The following CDC73 variants were observed in gnomAD, a reference collection of about 807,000 sequenced individuals.
CDC73 encodes the protein parafibromin.
In CDC73, 21 loss-of-function variants were observed where a neutral mutation model predicts 83.7. The ratio of observed to expected loss-of-function variants is 0.25; its 90% CI spans 0.18 to 0.36. The LOEUF (loss-of-function observed/expected upper bound fraction) is 0.36, where lower values mean the gene tolerates loss of function less well. Among genes scored for constraint, CDC73 ranks in the 10% least tolerant of loss-of-function variants. The probability of loss-of-function intolerance (pLI) is 1.00; values close to 1 mark genes in which losing one functional copy is unlikely to be tolerated. For missense variants in CDC73, 342 were observed against 653.3 expected (o/e 0.52, Z 5.19); for synonymous variants, 224 against 212.9 (o/e 1.05, Z -0.45).
At chr1:193,192,398 G>A (rs538172395) in intron 10 of CDC73, among the ~76,000 whole-genome samples, 172 of 152,232 alleles carry the variant, frequency 1.1e-3, no homozygotes, top group Middle Eastern at 6.8e-3. Flanking sequence ...AGCCGAGATC[G>A]CGCCACTGCA....
chr1:193,227,234 T>C (rs1677581612), intron 13 of CDC73, among the ~76,000 whole-genome samples: 1 of 152,178 alleles, frequency 6.6e-6, no homozygotes, highest in South Asian at 2.1e-4. Flanking sequence ...TTTTTTATTT[T>C]TGTTTCAATT....
At chr1:193,123,753 C>A (rs1400190604) in intron 1 of CDC73, among the ~76,000 whole-genome samples, 3 of 151,704 alleles carry the variant, frequency 2.0e-5, no homozygotes, top group Non-Finnish European at 4.4e-5. Flanking sequence ...TCCTAAGACT[C>A]TGGTTTCTAC....
At chr1:193,239,684 A>G (rs1176017652) in intron 15 of CDC73, among the ~76,000 whole-genome samples, 1 of 152,164 alleles carries the variant, frequency 6.6e-6, no homozygotes, top group Non-Finnish European at 1.5e-5. Flanking sequence ...AGAATGTGTA[A>G]TGATCAAGTC....
intron 5 of CDC73, among the ~76,000 whole-genome samples, chr1:193,137,572 G>A (rs141045038): frequency 4.3e-4 from 66 of 152,234 alleles, no homozygotes; most frequent in African/African-American, 1.3e-3. Flanking sequence ...TCTTGAAGTG[G>A]CCCATGAGGC....
intron 7 of CDC73, among the ~76,000 whole-genome samples, chr1:193,143,050 T>C (rs1234548736): frequency 6.6e-6 from 1 of 152,198 alleles, no homozygotes; most frequent in African/African-American, 2.4e-5. Context: ...TTTAGGCAAA[T>C]TGGTTTTGAT....
chr1:193,151,090 C>G (rs1284358682), intron 9 of CDC73, among the ~76,000 whole-genome samples: 2 of 152,170 alleles, frequency 1.3e-5, no homozygotes, highest in Non-Finnish European at 2.9e-5. Context: ...GCAATAACAC[C>G]ATTTCTGCAG....
chr1:193,250,728 C>A lies in CDC73; in HGVS notation c.*16C>A. Reference sequence around the variant, plus strand: ...GAGATTCTGAATTATTTGGCTCCTCCATTTCTGGAAATTGAGACTCAAGCT... The same window carrying A: ...GAGATTCTGAATTATTTGGCTCCTCAATTTCTGGAAATTGAGACTCAAGCT... On this transcript the variant is annotated 3_prime_UTR_variant, in exon 17 of 17. Transcript: ENST00000367435. 1 of 1,601,044 alleles carries A rather than the reference C, an allele frequency of 6.2e-7. No homozygotes were observed. Among genetic ancestry groups the A allele is most frequent in the Non-Finnish European group, 8.6e-7 (1 of 1,168,918 alleles).
In CDC73 at chr1:193,180,981, A is replaced by G. The variant is rs372672958; in HGVS notation, c.973-22814A>G. On this transcript the variant is annotated intron_variant, in intron 10 of 16. Transcript: ENST00000367435. ...GTTGAAGGTAGCCATTTAGCTTAATACTTAAGCCCAACAAAAATATTCTTG... is the reference window on the plus strand; with the variant it reads ...GTTGAAGGTAGCCATTTAGCTTAATGCTTAAGCCCAACAAAAATATTCTTG... The G allele has an allele frequency of 6.6e-5, 107 of 1,613,358 alleles. 1 individual carries two copies. Among genetic ancestry groups the G allele is most frequent in the South Asian group, 8.8e-5 (8 of 91,080 alleles).
intron 10 of CDC73, among the ~76,000 whole-genome samples, chr1:193,191,128 A>G (rs1430963614): frequency 6.6e-6 from 1 of 152,216 alleles, no homozygotes; most frequent in Non-Finnish European, 1.5e-5. Context: ...CGTGCACTGA[A>G]TTATCTAGAA....
At chr1:193,242,017 G>C (rs1042653710) in intron 15 of CDC73, among the ~76,000 whole-genome samples, 5 of 151,926 alleles carry the variant, frequency 3.3e-5, no homozygotes, top group Non-Finnish European at 7.4e-5. Flanking sequence ...TCTGTCCTCA[G>C]GGTGCTTTTA....
At chr1:193,208,289 G>C (rs1359286976) in intron 11 of CDC73, among the ~76,000 whole-genome samples, 1 of 152,102 alleles carries the variant, frequency 6.6e-6, no homozygotes, top group Non-Finnish European at 1.5e-5. Flanking sequence ...AGACCAGTGG[G>C]TCTCAGTGTG....
chr1:193,127,483 C>T (rs773764017), intron 2 of CDC73, among the ~76,000 whole-genome samples: 7 of 152,046 alleles, frequency 4.6e-5, no homozygotes, highest in African/African-American at 1.2e-4. Flanking sequence ...GCACCAGCTC[C>T]GTCTTTAAGG....
intron 7 of CDC73, 72 bp from the exon 8 acceptor site, chr1:193,147,795 G>C (rs1465070597): frequency 1.2e-6 from 1 of 844,296 alleles, no homozygotes; most frequent in African/African-American, 1.7e-5. Context: ...AGATAACTTA[G>C]TCTTAAATTA....
chr1:193,185,041 G>A (rs944821259), intron 10 of CDC73, among the ~76,000 whole-genome samples: 1 of 151,984 alleles, frequency 6.6e-6, no homozygotes, highest in Non-Finnish European at 1.5e-5. Context: ...TGGTTTATCT[G>A]TGCCCTGCAC....
chr1:193,125,579 CT>C (rs755990596), intron 2 of CDC73, among the ~76,000 whole-genome samples: 534 of 142,512 alleles, frequency 3.7e-3, no homozygotes, highest in Middle Eastern at 3.6e-3. Flanking sequence ...CATTTTAAAA[CT>C]TTTTTTTTTT....
chr1:193,202,985 G>C (rs1677117636), intron 10 of CDC73, among the ~76,000 whole-genome samples: 1 of 151,800 alleles, frequency 6.6e-6, no homozygotes, highest in Non-Finnish European at 1.5e-5. Flanking sequence ...ATTTCCTTCT[G>C]TTATGTACCA....
intron 15 of CDC73, among the ~76,000 whole-genome samples, chr1:193,244,433 G>T (rs1677916075): frequency 1.3e-5 from 2 of 152,118 alleles, no homozygotes; most frequent in African/African-American, 4.8e-5. Flanking sequence ...AAGTTAAACT[G>T]AAGCTGGTTG....
chr1:193,207,442 G>A (rs1477366044), intron 11 of CDC73, among the ~76,000 whole-genome samples: 2 of 152,108 alleles, frequency 1.3e-5, no homozygotes, highest in Non-Finnish European at 2.9e-5. Flanking sequence ...AAGCTTGAGG[G>A]TACTGCAGGA....
At chr1:193,212,616 C>A in intron 13 of CDC73, 139 bp downstream of exon 13, 1 of 475,834 alleles carries the variant, frequency 2.1e-6, no homozygotes. Flanking sequence ...TAGTATGAAG[C>A]ATACATTTTC....
Sources: gnomAD v4.1 joint callset for allele counts (sites outside exome capture counted in the v4.1 genomes callset) on GRCh38, gnomAD v4.1.1 for gene constraint, MANE v1.5 for transcripts, NCBI Gene and HGNC (gene_info 2026-07-23, HGNC 2026-07-21) for gene names.